SPATS2L: variants seen among roughly 807,000 people sequenced by gnomAD.
SPATS2L encodes SPATS2-like protein.
Under a neutral mutation model 59.6 loss-of-function variants are expected in SPATS2L, and 30 were observed. The ratio of observed to expected loss-of-function variants is 0.50; its 90% CI spans 0.38 to 0.68. SPATS2L has a LOEUF of 0.68. Ranked by LOEUF, SPATS2L falls within the 30% of genes least tolerant of loss-of-function variation. The pLI is 0.00. For missense variants in SPATS2L, 615 were observed against 700.0 expected, an observed-to-expected ratio of 0.88 and a Z score of 1.37; for synonymous variants, 252 against 263.5, an observed-to-expected ratio of 0.96 and a Z score of 0.42.
chr2:200,341,293 T>G (rs2105819917), intron 2 of SPATS2L, among the ~76,000 whole-genome samples: 1 of 152,318 alleles, frequency 6.6e-6, no homozygotes, highest in South Asian at 2.1e-4. Context: ...CTTCAGCACC[T>G]ATGTTCTTAA....
At chr2:200,449,864 G>A (rs2085319560) in intron 8 of SPATS2L, among the ~76,000 whole-genome samples, 1 of 152,046 alleles carries the variant, frequency 6.6e-6, no homozygotes, top group Non-Finnish European at 1.5e-5. Flanking sequence ...GAGTTATTTT[G>A]GGCAGTTTGT....
chr2:200,376,957 T>C (rs1445938052), intron 2 of SPATS2L, among the ~76,000 whole-genome samples: 1 of 152,212 alleles, frequency 6.6e-6, no homozygotes, highest in Non-Finnish European at 1.5e-5. Flanking sequence ...GCTCCGTTAC[T>C]GGCTGGATGC....
At chr2:200,364,795 G>A (rs1474150037) in intron 2 of SPATS2L, among the ~76,000 whole-genome samples, 2 of 152,208 alleles carry the variant, frequency 1.3e-5, no homozygotes, top group East Asian at 3.9e-4. Context: ...CTAGCAGGGA[G>A]CAGAGAAGGA....
At chr2:200,442,867 G>A (rs1257979673) in intron 8 of SPATS2L, among the ~76,000 whole-genome samples, 2 of 152,068 alleles carry the variant, frequency 1.3e-5, no homozygotes, top group African/African-American at 4.8e-5. Flanking sequence ...AATTCATGTT[G>A]TGTTTTAAAC....
chr2:200,410,120 A>T (rs1199432356), intron 3 of SPATS2L, among the ~76,000 whole-genome samples: 1 of 151,660 alleles, frequency 6.6e-6, no homozygotes, highest in Non-Finnish European at 1.5e-5. Flanking sequence ...TATTATATTA[A>T]TTATATTATT....
Position 200,425,366 on chromosome 2 carries a change from T to G in SPATS2L, c.445+5870T>G, listed in dbSNP as rs181169658. On this transcript the variant is annotated intron_variant, in intron 6 of 12. Coordinates refer to ENST00000409140, the MANE Select transcript of SPATS2L (RefSeq NM_001100423.2). The stretch of plus-strand genomic sequence containing the variant: ...AGCAGCCAGCTTAGAACTTTAATAG[T>G]AAAAGTCAAATGTGTGTATCTAGGA... 1.0e-3 allele frequency among the ~76,000 whole-genome samples: 156 copies of G among 152,154 alleles called. 1 individual carries two copies. The highest frequency in any genetic ancestry group is 1.7e-3 in the Non-Finnish European group (114 of 67,988).
chr2:200,430,419 A>G (rs2083839584), intron 6 of SPATS2L, among the ~76,000 whole-genome samples: 1 of 151,970 alleles, frequency 6.6e-6, no homozygotes, highest in Admixed American at 6.6e-5. Context: ...GAAATTTGAA[A>G]ATTCAGTAAG....
chr2:200,415,126 A>G (rs766182949), intron 4 of SPATS2L, among the ~76,000 whole-genome samples: 1 of 152,240 alleles, frequency 6.6e-6, no homozygotes, highest in East Asian at 1.9e-4. Flanking sequence ...TGGACAAATT[A>G]GAGAAAGACC....
intron 3 of SPATS2L, among the ~76,000 whole-genome samples, chr2:200,410,404 CAA>C (rs1419319839): frequency 2.8e-5 from 1 of 36,046 alleles, no homozygotes; most frequent in Non-Finnish European, 1.3e-4. Context: ...CAAAACAAAA[CAA>C]AACAACAAAA....
At chr2:200,323,271 T>C (rs1243817947) in intron 1 of SPATS2L, among the ~76,000 whole-genome samples, 6 of 152,196 alleles carry the variant, frequency 3.9e-5, no homozygotes, top group Admixed American at 1.3e-4. Context: ...ATGGAGATAA[T>C]GACTACTATA....
At chr2:200,474,038 T>C (rs1341307152) in intron 12 of SPATS2L, among the ~76,000 whole-genome samples, 3 of 151,140 alleles carry the variant, frequency 2.0e-5, no homozygotes, top group African/African-American at 7.3e-5. Flanking sequence ...TCTGATGATA[T>C]AGAAGTTGGG....
At chr2:200,468,346 C>CCACACACACACACACACACACACACACA in intron 10 of SPATS2L, among the ~76,000 whole-genome samples, 1 of 6,930 alleles carries the variant, frequency 1.4e-4, no homozygotes, top group South Asian at 7.8e-3. Flanking sequence ...ACCCAGTATA[C>CCACACACACACACACACACACACACACA]TACACACACA....
At position 200,324,060 on chromosome 2, in the gene SPATS2L, G is replaced by A. The variant is rs193112416; in HGVS notation, c.-72-5371G>A. Among the ~76,000 whole-genome samples, 444 of 152,252 alleles carry A rather than the reference G, an allele frequency of 2.9e-3. 1 individual carries two copies. Among genetic ancestry groups the A allele is most frequent in the African/African-American group, 0.01 (422 of 41,556 alleles). On this transcript the variant is annotated intron_variant, in intron 1 of 12. Coordinates refer to ENST00000409140, the MANE Select transcript of SPATS2L (RefSeq NM_001100423.2). ...TGCTTCTGGGTCTGACTGCAAGAGA[G>A]TAAATCCCAACCCTGGGGCTGCACT...
At chr2:200,426,745 T>A (rs2083606947) in intron 6 of SPATS2L, among the ~76,000 whole-genome samples, 1 of 152,200 alleles carries the variant, frequency 6.6e-6, no homozygotes, top group Non-Finnish European at 1.5e-5. Context: ...AAAATAAAGT[T>A]TATATTTTAA....
At chr2:200,359,192 C>T (rs1261352627) in intron 2 of SPATS2L, among the ~76,000 whole-genome samples, 1 of 152,060 alleles carries the variant, frequency 6.6e-6, no homozygotes, top group African/African-American at 2.4e-5. Flanking sequence ...TTGGTTTCTT[C>T]TCTTTCTTCC....
intron 11 of SPATS2L, among the ~76,000 whole-genome samples, chr2:200,472,000 G>GT (rs1180339281): frequency 6.6e-6 from 1 of 152,204 alleles, no homozygotes; most frequent in Non-Finnish European, 1.5e-5. Flanking sequence ...CTGATTCAGT[G>GT]TAATCACATA....
At chr2:200,460,522 G>T (rs1559152916) in intron 9 of SPATS2L, among the ~76,000 whole-genome samples, 1 of 152,084 alleles carries the variant, frequency 6.6e-6, no homozygotes. Context: ...GAGGCAGGCA[G>T]ATCACAAGGT....
chr2:200,350,516 A>C (rs1189462318), intron 2 of SPATS2L, among the ~76,000 whole-genome samples: 1 of 151,978 alleles, frequency 6.6e-6, no homozygotes, highest in Admixed American at 6.6e-5. Flanking sequence ...TCTAAATTTA[A>C]ATTTTATTTT....
intron 8 of SPATS2L, among the ~76,000 whole-genome samples, chr2:200,457,223 TACACAC>T (rs4035249): frequency 0.59 from 88,012 of 147,924 alleles, 26,787 homozygotes; most frequent in South Asian, 0.69. Flanking sequence ...AAAACATACA[TACACAC>T]ACACACACAC....
Sources: allele counts gnomAD v4.1 joint callset (sites outside exome capture counted in the v4.1 genomes callset), GRCh38; gene constraint gnomAD v4.1.1; transcripts MANE v1.5; gene names NCBI Gene and HGNC (gene_info 2026-07-23, HGNC 2026-07-21).